Variants in TRIM41 observed in about 807,000 individuals in gnomAD.
TRIM41 encodes tripartite motif containing 41, also known as E3 ubiquitin-protein ligase TRIM41.
A neutral mutation model predicts 60.6 loss-of-function variants in TRIM41; 21 were observed. The ratio of observed to expected loss-of-function variants is 0.35; its 90% CI spans 0.25 to 0.50. TRIM41 has a LOEUF of 0.50. Among genes scored for constraint, TRIM41 ranks in the 20% least tolerant of loss-of-function variants. The pLI, the probability that TRIM41 is intolerant of heterozygous loss-of-function variation, is 0.98. For missense variants in TRIM41, 846 were observed against 868.3 expected (o/e 0.97, Z 0.32); for synonymous variants, 407 against 344.9 (o/e 1.18, Z -2.00).
Position 181,223,873 on chromosome 5 carries a change from C to G in TRIM41, c.-127C>G. On this transcript the variant is annotated 5_prime_UTR_variant, in exon 1 of 6. Coordinates refer to ENST00000315073, the MANE Select transcript of TRIM41 (RefSeq NM_033549.5). Reference sequence around the variant, plus strand: ...GGTTGTCGGCAGGACATCTCTCTGGCTGCTCTTGGGGCGAGGTGTGGAGGG... The same window carrying G: ...GGTTGTCGGCAGGACATCTCTCTGGGTGCTCTTGGGGCGAGGTGTGGAGGG... 1 of 930,212 alleles carries G rather than the reference C, an allele frequency of 1.1e-6. No homozygotes were observed. Among genetic ancestry groups the G allele is most frequent in the Non-Finnish European group, 1.6e-6 (1 of 629,920 alleles). The allele number at this position is 930,212 out of a possible 1,614,324, so 57.6% of individuals were successfully genotyped here.
chr5:181,234,137 TC>T lies in TRIM41; in HGVS notation c.1292-35del. On this transcript the variant is annotated intron_variant, in intron 5 of 5. Transcript: ENST00000315073. The surrounding 1 kb of genome is among the most constrained non-coding windows in gnomAD (Gnocchi z 5.6). The stretch of plus-strand genomic sequence containing the variant: ...TGGCTGCTGACAGGGGAACAGCCGT[TC>T]CAGCCCTGGCGTATTTGTCCTCCCT... 1.9e-6 allele frequency: 3 copies of T among 1,602,724 alleles called. No individual in the cohort carries two copies. Among genetic ancestry groups the T allele is most frequent in the Non-Finnish European group, 2.5e-6 (3 of 1,179,830 alleles).
At position 181,224,380 on chromosome 5, in the gene TRIM41, G is replaced by A; in HGVS notation, c.381G>A (p.Glu127=). The A allele has an allele frequency of 2.5e-6, 4 of 1,612,726 alleles. No individual in the cohort carries two copies. Among genetic ancestry groups the A allele is most frequent in the South Asian group, 1.1e-5 (1 of 91,022 alleles). Residue 127 remains glutamate (E), a synonymous_variant, in exon 1 of 6, where the codon GAG becomes GAA. Transcript: ENST00000315073. ...WDNMDYVWEE[E]DEEEDLDYYL... ...ACATGGACTATGTGTGGGAGGAGGA[G>A]GACGAGGAGGAAGACCTGGACTACT...
intron 1 of TRIM41, chr5:181,225,926 GT>G (rs1256348567): frequency 6.6e-6 from 1 of 152,100 alleles, no homozygotes; most frequent in Non-Finnish European, 1.5e-5. Context: ...AGCTTTTTTT[GT>G]TTTATAACTC....
chr5:181,232,853 G>A lies in TRIM41; in HGVS notation c.1104G>A (p.Gln368=), dbSNP rs1337620050. Residue 368 remains glutamine (Q), a synonymous_variant, in exon 3 of 6, where the codon CAG becomes CAA. Transcript: ENST00000315073. The part of the protein sequence containing the change: ...AQLSRLLAEA[Q]ERSQQGGLRL... The stretch of plus-strand genomic sequence containing the variant: ...TCAGCCGCCTGCTGGCAGAGGCCCA[G>A]GAGCGGAGCCAGCAGGGGGGTCTCC... 6.4e-7 allele frequency: 1 copy of A among 1,551,818 alleles called. No individual in the cohort carries two copies.
rs766104430 is a variant in TRIM41, at chr5:181,234,806, C to T, written c.*31C>T. On this transcript the variant is annotated 3_prime_UTR_variant, in exon 6 of 6. Transcript: ENST00000315073. This position sits in a 1 kb window ranked among gnomAD's most constrained non-coding sequence, Gnocchi z 5.6. ...CTGCCACCCGCAGGGGCCCCTCTGT[C>T]AGCACTTGGGGGGTGGGTGGTGGAG... The T allele has an allele frequency of 7.5e-6, 12 of 1,605,792 alleles. No homozygotes were observed. The South Asian group carries it at 1.1e-4, about 15-fold the overall frequency.
chr5:181,225,099 C>G, intron 1 of TRIM41: 1 of 487,868 alleles, frequency 2.0e-6, no homozygotes, highest in South Asian at 2.2e-5. Flanking sequence ...CCAGAAGTCT[C>G]GTTTTCTTTC....
In TRIM41 at chr5:181,232,906, C is replaced by G; in HGVS notation, c.1140+17C>G. On this transcript the variant is annotated intron_variant, in intron 3 of 5. Transcript: ENST00000315073. ...CTGCTCCAGGTGAGCAATGTCCCCTCCCTGTTCCCCCAGCATTCTGTGTTG... is the reference window on the plus strand; with the variant it reads ...CTGCTCCAGGTGAGCAATGTCCCCTGCCTGTTCCCCCAGCATTCTGTGTTG... 1 of 1,535,652 alleles carries G rather than the reference C, an allele frequency of 6.5e-7. No homozygotes were observed. Among genetic ancestry groups the G allele is most frequent in the Middle Eastern group, 1.7e-4 (1 of 5,988 alleles).
intron 2 of TRIM41, chr5:181,231,223 G>T: frequency 3.8e-6 from 1 of 262,386 alleles, no homozygotes; most frequent in Non-Finnish European, 7.7e-6. Flanking sequence ...AGCATGAGGC[G>T]GACACTGTCC....
In TRIM41 at chr5:181,233,195, G is replaced by C. The variant is rs1167832962; in HGVS notation, c.1141-218G>C. ...AGCAAGTCGTATTGTGGAAATGACA[G>C]TATCCCTGGGCTCACAGCAGGATGA... On this transcript the variant is annotated intron_variant, in intron 3 of 5. Coordinates refer to ENST00000315073, the MANE Select transcript of TRIM41 (RefSeq NM_033549.5). This position sits in a 1 kb window ranked among gnomAD's most constrained non-coding sequence, Gnocchi z 4.1. 1.4e-6 allele frequency: 1 copy of C among 720,494 alleles called. No homozygotes were observed. Among genetic ancestry groups the C allele is most frequent in the East Asian group, 2.7e-5 (1 of 37,656 alleles). 44.6% of individuals were successfully genotyped at this position (720,494 alleles called of 1,614,324 possible).
In TRIM41 at chr5:181,230,776, G is replaced by A. The variant is rs1758763709; in HGVS notation, c.846G>A (p.Arg282=). Residue 282 remains arginine, a synonymous_variant, in exon 2 of 6, where the codon AGG becomes AGA. Transcript: ENST00000315073. ...TGCAGGGGCACGTGGAACCACTGAGGAAGCACCTGGAGGCAGTGCAGAAGA... is the reference window on the plus strand; with the variant it reads ...TGCAGGGGCACGTGGAACCACTGAGAAAGCACCTGGAGGCAGTGCAGAAGA... ...AKLQGHVEPL[R]KHLEAVQKMK... is the part of the protein sequence containing the mutation. 2 of 1,613,204 alleles carry A rather than the reference G, an allele frequency of 1.2e-6. No individual in the cohort carries two copies. The highest frequency in any genetic ancestry group is 1.3e-5 in the African/African-American group (1 of 74,858).
Position 181,235,655 on chromosome 5 carries a change from C to G in TRIM41, c.*880C>G, listed in dbSNP as rs1759080138. On this transcript the variant is annotated 3_prime_UTR_variant, in exon 6 of 6. Transcript: ENST00000315073. ...GAGCCTGGGGACGGGTTTGGGTCCC[C>G]AGGAGGAGAGCCTTGGGTATAATCT... 2.0e-6 allele frequency: 1 copy of G among 506,578 alleles called. No homozygotes were observed. The allele number at this position is 506,578 out of a possible 1,614,324, so 31.4% of individuals were successfully genotyped here. A position where few individuals can be genotyped will look rare whatever the true frequency, so the allele number is the denominator to read the frequency against.
intron 1 of TRIM41, chr5:181,229,063 G>A (rs1184496549): frequency 2.0e-5 from 3 of 151,774 alleles, no homozygotes; most frequent in Non-Finnish European, 4.4e-5. Context: ...TGTAGTTCAT[G>A]CTATTGTCAC....
Position 181,233,546 on chromosome 5 carries a change from C to T in TRIM41, c.1164-90C>T, listed in dbSNP as rs1758901719. ...CCTTCCCCAGGACCTGAGTTTCCAT[C>T]TCCTGGACCCTCCTCTCCTTCCCCT... On this transcript the variant is annotated intron_variant, in intron 4 of 5. Transcript: ENST00000315073. The surrounding 1 kb of genome is among the most constrained non-coding windows in gnomAD (Gnocchi z 4.1). 6.2e-7 allele frequency: 1 copy of T among 1,608,434 alleles called. No homozygotes were observed. Among genetic ancestry groups the T allele is most frequent in the South Asian group, 1.1e-5 (1 of 90,868 alleles).
In TRIM41 at chr5:181,233,378, C is replaced by G; in HGVS notation, c.1141-35C>G. On this transcript the variant is annotated intron_variant, in intron 3 of 5. Coordinates refer to ENST00000315073, the MANE Select transcript of TRIM41 (RefSeq NM_033549.5). The surrounding 1 kb of genome is among the most constrained non-coding windows in gnomAD (Gnocchi z 4.1). ...CAGCTGACACTCTCTTTATCTCTTT[C>G]TCCCTCTCCCTCTTTTTGTTTCTCT... 8 of 1,597,750 alleles carry G rather than the reference C, an allele frequency of 5.0e-6. No homozygotes were observed. Among genetic ancestry groups the G allele is most frequent in the African/African-American group, 1.3e-5 (1 of 74,470 alleles).
In TRIM41 at chr5:181,234,555, G is replaced by A. The variant is rs997751439; in HGVS notation, c.1673G>A (p.Arg558His). ...TGGTGCGTGGGCACCAACGGCAAAC[G>A]CTATCAGGCCCAGAGCTCCACAGAA... Reference protein sequence around the residue: ...EVWCVGTNGKRYQAQSSTEQT... With the variant: ...EVWCVGTNGKHYQAQSSTEQT... The change falls in exon 6 of 6, where the codon CGC becomes CAC. Residue 558 changes from arginine to histidine, a missense_variant. Transcript: ENST00000315073. This position sits in a 1 kb window ranked among gnomAD's most constrained non-coding sequence, Gnocchi z 5.6. 8.1e-6 allele frequency: 13 copies of A among 1,614,208 alleles called. No homozygotes were observed. The highest frequency in any genetic ancestry group is 1.6e-4 in the Middle Eastern group (1 of 6,062).
In TRIM41 at chr5:181,224,008, C is replaced by T. The variant is rs759731522; in HGVS notation, c.9C>T (p.Ala3=). The T allele has an allele frequency of 4.3e-6, 7 of 1,610,982 alleles. No homozygotes were observed. The African/African-American group carries it at 6.7e-5, about 15-fold the overall frequency. The change falls in exon 1 of 6, where the codon GCC becomes GCT. Residue 3 remains alanine, a synonymous_variant. Coordinates refer to ENST00000315073, the MANE Select transcript of TRIM41 (RefSeq NM_033549.5). The part of the protein sequence containing the change: MA[A]VAMTPNPVQT... ...GCTGGCTGGACACTAAGATGGCTGC[C>T]GTTGCCATGACACCCAACCCTGTGC...
rs910568060 is a variant in TRIM41 at position 181,235,132 on chromosome 5, C to T, written c.*357C>T. On this transcript the variant is annotated 3_prime_UTR_variant, in exon 6 of 6. Coordinates refer to ENST00000315073, the MANE Select transcript of TRIM41 (RefSeq NM_033549.5). Reference sequence around the variant, plus strand: ...CATTCCTTAACTTCCTTTTCCCCACCCCTGCTCTTCAACCTCTTTATCAGT... The same window carrying T: ...CATTCCTTAACTTCCTTTTCCCCACTCCTGCTCTTCAACCTCTTTATCAGT... The T allele has an allele frequency of 6.4e-6, 10 of 1,565,928 alleles. No individual in the cohort carries two copies. In the South Asian group the frequency reaches 9.4e-5, roughly 15 times the overall value.
In TRIM41 at chr5:181,224,343, C is replaced by A. The variant is rs1314066868; in HGVS notation, c.344C>A (p.Ser115Tyr). 3 of 1,612,892 alleles carry A rather than the reference C, an allele frequency of 1.9e-6. No homozygotes were observed. The highest frequency in any genetic ancestry group is 2.5e-6 in the Non-Finnish European group (3 of 1,179,826). The change falls in exon 1 of 6, where the codon TCC (serine) becomes TAC (tyrosine). Residue 115 changes from serine (S) to tyrosine (Y), a missense_variant. Coordinates refer to ENST00000315073, the MANE Select transcript of TRIM41 (RefSeq NM_033549.5). ...GVFWTSGMSR[S>Y]SWDNMDYVWE... ...TTCTGGACCAGTGGCATGAGCAGGT[C>A]CAGCTGGGACAACATGGACTATGTG...
chr5:181,223,891 G>A lies in TRIM41; in HGVS notation c.-109G>A. ...TCTCTGGCTGCTCTTGGGGCGAGGT[G>A]TGGAGGGGCAGGGCTGGGGGTGGAG... On this transcript the variant is annotated 5_prime_UTR_variant, in exon 1 of 6. It adds an upstream start codon to the 5' untranslated region. Coordinates refer to ENST00000315073, the MANE Select transcript of TRIM41 (RefSeq NM_033549.5). 1 of 1,153,948 alleles carries A rather than the reference G, an allele frequency of 8.7e-7. No individual in the cohort carries two copies. Among genetic ancestry groups the A allele is most frequent in the Non-Finnish European group, 1.2e-6 (1 of 821,342 alleles). The allele number at this position is 1,153,948 out of a possible 1,614,324, so 71.5% of individuals were successfully genotyped here. A position where few individuals can be genotyped will look rare whatever the true frequency, so the allele number is the denominator to read the frequency against.
Sources: gnomAD v4.1 joint callset for allele counts on GRCh38, gnomAD v4.1.1 for gene constraint, Gnocchi (gnomAD v3.1) non-coding constraint, MANE v1.5 for transcripts, NCBI Gene and HGNC (gene_info 2026-07-23, HGNC 2026-07-21) for gene names.